The following ZNF584 variants were observed in gnomAD, a reference collection of about 807,000 sequenced individuals.
ZNF584 encodes the protein zinc finger protein 584.
In ZNF584, 12 loss-of-function variants were observed where a neutral mutation model predicts 14.7. The observed-to-expected ratio is 0.82, with a 90% CI of 0.52 to 1.32. ZNF584 has a LOEUF of 1.32. ZNF584 is among the 40% of genes most tolerant of loss of function. The pLI is 0.00. For synonymous variants in ZNF584, 204 were observed against 190.9 expected, an observed-to-expected ratio of 1.07 and a Z score of -0.57; for missense variants, 478 against 518.8, an observed-to-expected ratio of 0.92 and a Z score of 0.76.
At chr19:58,403,753 G>C (rs1036008813), upstream of ZNF584, among the ~76,000 whole-genome samples, 1 of 151,952 alleles carries the variant, frequency 6.6e-6, no homozygotes, top group Non-Finnish European at 1.5e-5. Context: ...GGCGGATCAC[G>C]AGGTCAGGAG....
rs1156543028 is a variant in ZNF584, at chr19:58,410,518, AATATATATATATATATAT to A, written c.169+450_169+467del. On this transcript the variant is annotated intron_variant, in intron 2 of 3. Coordinates refer to ENST00000306910, the MANE Select transcript of ZNF584 (RefSeq NM_173548.3). ...GAATTTTAATCAGAACGGTTTGGGAAATATATATATATATATATATATATATATATATATATATATGTG... is the reference window on the plus strand; with the variant it reads ...GAATTTTAATCAGAACGGTTTGGGAAATATATATATATATATATATATGTG... 8.6e-4 allele frequency among the ~76,000 whole-genome samples: 66 copies of A among 77,190 alleles called. 6 individuals are homozygous for A. The highest frequency in any genetic ancestry group is 2.9e-3 in the African/African-American group (58 of 20,192). 50.6% of individuals were successfully genotyped at this position (77,190 alleles called of 152,430 possible). A position where few individuals can be genotyped will look rare whatever the true frequency, so the allele number is the denominator to read the frequency against.
intron 2 of ZNF584, among the ~76,000 whole-genome samples, chr19:58,410,635 G>GTA (rs1209057487): frequency 2.6e-5 from 1 of 37,786 alleles, no homozygotes; most frequent in East Asian, 4.3e-4. Context: ...GTATATATGT[G>GTA]TATATATATG....
At position 58,417,145 on chromosome 19, in the gene ZNF584, T is replaced by C; in HGVS notation, c.627T>C (p.Thr209=). Residue 209 remains threonine, a synonymous_variant, in exon 4 of 4, where the codon ACT becomes ACC. Coordinates refer to ENST00000306910, the MANE Select transcript of ZNF584 (RefSeq NM_173548.3). Reference sequence around the variant, plus strand: ...ATATTAACCCCCGAAAAATTCACACTGGAGAAACAGCCCATGTGTGTAATG... The same window carrying C: ...ATATTAACCCCCGAAAAATTCACACCGGAGAAACAGCCCATGTGTGTAATG... ...SAHINPRKIH[T]GETAHVCNEC... is the part of the protein sequence containing the mutation. 6.2e-7 allele frequency: 1 copy of C among 1,613,744 alleles called. No homozygotes were observed. Among genetic ancestry groups the C allele is most frequent in the Non-Finnish European group, 8.5e-7 (1 of 1,179,702 alleles).
chr19:58,414,544 G>A (rs2052615963), intron 2 of ZNF584, among the ~76,000 whole-genome samples: 1 of 151,614 alleles, frequency 6.6e-6, no homozygotes, highest in African/African-American at 2.4e-5. Flanking sequence ...GGGTTTCACT[G>A]TGTTAGCCAG....
Position 58,416,621 on chromosome 19 carries a change from C to G in ZNF584, c.293-190C>G, listed in dbSNP as rs186073822. On this transcript the variant is annotated intron_variant, in intron 3 of 3. Coordinates refer to ENST00000306910, the MANE Select transcript of ZNF584 (RefSeq NM_173548.3). ...TTCGTCGTGTTGGTCAGGCTGGTCTCGAACTCCTGACCTCACGTGATCTGC... is the reference window on the plus strand; with the variant it reads ...TTCGTCGTGTTGGTCAGGCTGGTCTGGAACTCCTGACCTCACGTGATCTGC... The G allele has an allele frequency of 1.1e-5, 6 of 527,988 alleles. No individual in the cohort carries two copies. In the African/African-American group the frequency reaches 1.2e-4, roughly 10 times the overall value. The allele number at this position is 527,988 out of a possible 1,614,324, so 32.7% of individuals were successfully genotyped here. A position where few individuals can be genotyped will look rare whatever the true frequency, so the allele number is the denominator to read the frequency against.
Position 58,410,518 on chromosome 19 carries a change from AATATATATATATATAT to A in ZNF584, c.169+452_169+467del, listed in dbSNP as rs1156543028. 2.3e-4 allele frequency among the ~76,000 whole-genome samples: 18 copies of A among 77,190 alleles called. 2 individuals are homozygous for A. Among genetic ancestry groups the A allele is most frequent in the Admixed American group, 1.1e-3 (5 of 4,694 alleles). 50.6% of individuals were successfully genotyped at this position (77,190 alleles called of 152,430 possible). ...GAATTTTAATCAGAACGGTTTGGGA[AATATATATATATATAT>A]ATATATATATATATATATATATATG... is the stretch of plus-strand genomic sequence containing the variant. On this transcript the variant is annotated intron_variant, in intron 2 of 3. Transcript: ENST00000306910.
intron 2 of ZNF584, 33 bp from the exon 3 acceptor site, chr19:58,415,491 C>T: frequency 1.3e-6 from 2 of 1,598,284 alleles, no homozygotes; most frequent in Non-Finnish European, 1.7e-6. Flanking sequence ...CCACCATGCC[C>T]AGCCTGTTTC....
intron 3 of ZNF584, chr19:58,415,898 C>T (rs568284632): frequency 2.5e-5 from 40 of 1,599,054 alleles, no homozygotes; most frequent in African/African-American, 2.0e-4. Flanking sequence ...CTACTGTTGG[C>T]GACTCAGTGC....
At chr19:58,405,891 A>T (rs566188397), upstream of ZNF584, 16 of 160,586 alleles carry the variant, frequency 1.0e-4, 1 homozygote, top group South Asian at 1.2e-3. Flanking sequence ...GGCTCCTCAC[A>T]TCCCAGATGA....
At position 58,417,830 on chromosome 19, in the gene ZNF584, G is replaced by A. The variant is rs1025747585; in HGVS notation, c.*46G>A. The A allele has an allele frequency of 7.8e-6, 12 of 1,547,120 alleles. No individual in the cohort carries two copies. The highest frequency in any genetic ancestry group is 1.0e-5 in the Non-Finnish European group (12 of 1,148,820). On this transcript the variant is annotated 3_prime_UTR_variant, in exon 4 of 4. Transcript: ENST00000306910. ...GTCTTATTCCAGAAAGGAGGTTAAGGAGAGTGGCCGTGAGAGTGCCATCCG... is the reference window on the plus strand; with the variant it reads ...GTCTTATTCCAGAAAGGAGGTTAAGAAGAGTGGCCGTGAGAGTGCCATCCG...
At position 58,417,785 on chromosome 19, in the gene ZNF584, C is replaced by T. The variant is rs750852866; in HGVS notation, c.*1C>T. On this transcript the variant is annotated 3_prime_UTR_variant, in exon 4 of 4. Coordinates refer to ENST00000306910, the MANE Select transcript of ZNF584 (RefSeq NM_173548.3). The stretch of plus-strand genomic sequence containing the variant: ...ACATGGGAAGGTCGTTAGCTGCTAG[C>T]ACCGTGTTCATCAGGAAAGGTCTTA... 3.8e-6 allele frequency: 6 copies of T among 1,594,616 alleles called. No homozygotes were observed. In the Admixed American group the frequency reaches 6.9e-5, roughly 18 times the overall value.
upstream of ZNF584, chr19:58,404,866 A>AC (rs372162738): frequency 0.018 from 2,091 of 114,628 alleles, 98 homozygotes; most frequent in South Asian, 0.034. Context: ...CGGGGGGCTG[A>AC]CCCCCCCCCC....
upstream of ZNF584, chr19:58,405,834 C>T (rs937996814): frequency 1.2e-3 from 200 of 162,050 alleles, no homozygotes; most frequent in African/African-American, 4.4e-3. Flanking sequence ...GGATGGCGGC[C>T]GGGCAGAGAC....
At chr19:58,415,203 T>C (rs993401061) in intron 2 of ZNF584, among the ~76,000 whole-genome samples, 1 of 151,842 alleles carries the variant, frequency 6.6e-6, no homozygotes, top group Non-Finnish European at 1.5e-5. Flanking sequence ...TGTTTGTTTG[T>C]TTTTGAGACA....
chr19:58,417,759 C>T lies in ZNF584; in HGVS notation c.1241C>T (p.Ala414Val). The T allele has an allele frequency of 1.2e-6, 2 of 1,611,004 alleles. No homozygotes were observed. The highest frequency in any genetic ancestry group is 1.7e-6 in the Non-Finnish European group (2 of 1,178,158). ...CCAGAAAGGCGTCAGGAGGACAGGG[C>T]ACATGGGAAGGTCGTTAGCTGCTAG... The part of the protein sequence containing the change: ...HTPERRQEDR[A>V]HGKVVSC Residue 414 changes from alanine (A) to valine (V), a missense_variant, in exon 4 of 4, where the codon GCA becomes GTA. Physicochemically the swap from Ala to Val is moderately conservative, Grantham distance 64 (BLOSUM62 0). Coordinates refer to ENST00000306910, the MANE Select transcript of ZNF584 (RefSeq NM_173548.3).
In ZNF584 at chr19:58,417,885, C is replaced by T. The variant is rs1325687472; in HGVS notation, c.*101C>T. On this transcript the variant is annotated 3_prime_UTR_variant, in exon 4 of 4. Coordinates refer to ENST00000306910, the MANE Select transcript of ZNF584 (RefSeq NM_173548.3). ...AAGCTAAACCTTGCACATCCCAACA[C>T]CCACCCCAGGGAGAGTTCCCGTGTG... The T allele has an allele frequency of 1.1e-5, 15 of 1,420,734 alleles. No individual in the cohort carries two copies. In the East Asian group the frequency reaches 3.0e-4, roughly 28 times the overall value. The allele number at this position is 1,420,734 out of a possible 1,614,324, so 88.0% of individuals were successfully genotyped here.
chr19:58,415,840 C>CTCAT, intron 3 of ZNF584, 194 bp downstream of exon 3: 1 of 1,601,244 alleles, frequency 6.2e-7, no homozygotes, highest in East Asian at 2.2e-5. Context: ...TCCTGCCTCT[C>CTCAT]TGGCCTGCGT....
rs1599956613 is a variant in ZNF584, at chr19:58,418,053, A to T, written c.*269A>T. The T allele has an allele frequency of 6.2e-6, 3 of 482,398 alleles. No individual in the cohort carries two copies. 29.9% of individuals were successfully genotyped at this position (482,398 alleles called of 1,614,324 possible). ...GTCCCTACAGCAAGTGGGACAGCAG[A>T]CCTTGTGCTCCTTGCTCTAAACAGT... On this transcript the variant is annotated 3_prime_UTR_variant, in exon 4 of 4. Transcript: ENST00000306910.
At position 58,409,013 on chromosome 19, in the gene ZNF584, C is replaced by T. The variant is rs1403005282; in HGVS notation, c.-135C>T. On this transcript the variant is annotated 5_prime_UTR_variant, in exon 1 of 4. Coordinates refer to ENST00000306910, the MANE Select transcript of ZNF584 (RefSeq NM_173548.3). ...CCCAGCGGCTCCGGGAAGCGGTTCC[C>T]TGTCTTCGGACGCATTTCACCCGCG... 5.1e-6 allele frequency: 6 copies of T among 1,177,234 alleles called. No individual in the cohort carries two copies. Among genetic ancestry groups the T allele is most frequent in the African/African-American group, 3.2e-5 (2 of 61,928 alleles). 72.9% of individuals were successfully genotyped at this position (1,177,234 alleles called of 1,614,324 possible).
Sources: gnomAD v4.1 joint callset for allele counts (sites outside exome capture counted in the v4.1 genomes callset) on GRCh38, gnomAD v4.1.1 for gene constraint, MANE v1.5 for transcripts, NCBI Gene and HGNC (gene_info 2026-07-23, HGNC 2026-07-21) for gene names.